The following CPPED1 variants were observed in gnomAD, a reference collection of about 807,000 sequenced individuals.
The protein encoded by CPPED1 is serine/threonine-protein phosphatase CPPED1.
In CPPED1, 28 loss-of-function variants were observed where a neutral mutation model predicts 28.0. The observed-to-expected ratio is 1.00, with a 90% CI of 0.74 to 1.37. The LOEUF (loss-of-function observed/expected upper bound fraction) is 1.37. CPPED1 is among the 40% of genes most tolerant of loss of function. The pLI, the probability that CPPED1 is intolerant of heterozygous loss-of-function variation, is 0.00. For missense variants in CPPED1, 504 were observed against 416.5 expected (o/e 1.21, Z -1.83); for synonymous variants, 198 against 180.2 (o/e 1.10, Z -0.79).
chr16:12,797,311 G>T (rs930271095), intron 1 of CPPED1, among the ~76,000 whole-genome samples: 5 of 152,180 alleles, frequency 3.3e-5, no homozygotes, highest in Non-Finnish European at 7.4e-5. Context: ...AGCACTTTTG[G>T]AGGCTAAGGC....
At chr16:12,765,579 C>A (rs765648584) in intron 2 of CPPED1, among the ~76,000 whole-genome samples, 2 of 152,130 alleles carry the variant, frequency 1.3e-5, no homozygotes, top group Non-Finnish European at 2.9e-5. Context: ...CAGATCAATA[C>A]AAAATTTCTT....
intron 2 of CPPED1, among the ~76,000 whole-genome samples, chr16:12,771,065 A>G (rs923805561): frequency 2.0e-5 from 3 of 152,228 alleles, no homozygotes; most frequent in African/African-American, 4.8e-5. Flanking sequence ...AAAATCTAAT[A>G]AAGTAACAAT....
chr16:12,754,207 G>C lies in CPPED1; in HGVS notation c.289+26978C>G, dbSNP rs553101561. On this transcript the variant is annotated intron_variant, in intron 2 of 3. Transcript: ENST00000381774. Reference sequence around the variant, plus strand: ...ACCCATTTGAGGGTTTAGAGGCTCTGTTTGATGACAGATGAAATAATATTG... The same window carrying C: ...ACCCATTTGAGGGTTTAGAGGCTCTCTTTGATGACAGATGAAATAATATTG... Among the ~76,000 whole-genome samples the C allele has an allele frequency of 2.4e-4, 37 of 152,334 alleles. No homozygotes were observed. In the East Asian group the frequency reaches 6.9e-3, roughly 29 times the overall value.
In CPPED1 at chr16:12,663,585, G is replaced by GAATTTACATATTTAATTATCTTTCCATTT; in HGVS notation, c.*1272_*1300dup. On this transcript the variant is annotated 3_prime_UTR_variant, in exon 4 of 4. Coordinates refer to ENST00000381774, the MANE Select transcript of CPPED1 (RefSeq NM_018340.3). ...TAACTTCTCGTCTTTTGTTCCTTAT[G>GAATTTACATATTTAATTATCTTTCCATTT]AATTTACATATTTAATTATCTTTCC... 1 of 152,148 alleles carries GAATTTACATATTTAATTATCTTTCCATTT rather than the reference G, an allele frequency of 6.6e-6. No homozygotes were observed. Among genetic ancestry groups the GAATTTACATATTTAATTATCTTTCCATTT allele is most frequent in the Non-Finnish European group, 1.5e-5 (1 of 68,026 alleles). The allele number at this position is 152,148 out of a possible 1,614,324, so 9.4% of individuals were successfully genotyped here. A position where few individuals can be genotyped will look rare whatever the true frequency, so the allele number is the denominator to read the frequency against.
At chr16:12,704,081 C>T (rs1456049328) in intron 3 of CPPED1, among the ~76,000 whole-genome samples, 3 of 152,198 alleles carry the variant, frequency 2.0e-5, no homozygotes, top group Non-Finnish European at 4.4e-5. Flanking sequence ...AAGCCACATC[C>T]CAGGATTTCC....
chr16:12,667,496 G>T (rs937892431), intron 3 of CPPED1, among the ~76,000 whole-genome samples: 25 of 152,170 alleles, frequency 1.6e-4, no homozygotes, highest in Admixed American at 1.6e-3. Context: ...GCTCATGCCT[G>T]TAATCCCTGT....
chr16:12,780,365 G>C (rs974805024), intron 2 of CPPED1, among the ~76,000 whole-genome samples: 2 of 151,982 alleles, frequency 1.3e-5, no homozygotes, highest in Non-Finnish European at 2.9e-5. Context: ...TAGTAGAGAC[G>C]GGGTTTCACC....
At chr16:12,710,532 T>C (rs148754485) in intron 2 of CPPED1, among the ~76,000 whole-genome samples, 13 of 150,266 alleles carry the variant, frequency 8.7e-5, no homozygotes, top group African/African-American at 3.2e-4. Context: ...CAAAAGACAC[T>C]ATCAACAGAG....
At chr16:12,748,616 T>C (rs1175211972) in intron 2 of CPPED1, among the ~76,000 whole-genome samples, 3 of 152,156 alleles carry the variant, frequency 2.0e-5, no homozygotes, top group Non-Finnish European at 4.4e-5. Flanking sequence ...CCGGGCGCGG[T>C]GGCTCATGCC....
chr16:12,781,222 G>T lies in CPPED1; in HGVS notation c.252C>A (p.Phe84Leu), dbSNP rs1037639447. 2 of 1,613,962 alleles carry T rather than the reference G, an allele frequency of 1.2e-6. No individual in the cohort carries two copies. The highest frequency in any genetic ancestry group is 1.3e-5 in the African/African-American group (1 of 74,926). The change falls in exon 2 of 4, where the codon TTC becomes TTA. Residue 84 changes from phenylalanine to leucine, a missense_variant. Physicochemically the swap from Phe to Leu is conservative, Grantham distance 22. Coordinates refer to ENST00000381774, the MANE Select transcript of CPPED1 (RefSeq NM_018340.3). ...GGATGAGGTCGCCGCACAGAACGAA[G>T]AATTTGGGTTTGGGGTTCAGCTTGT... ...AINKLNPKPK[F>L]FVLCGDLIHA...
chr16:12,803,630 C>T (rs1042748901), intron 1 of CPPED1, 77 bp downstream of exon 1: 1 of 1,264,320 alleles, frequency 7.9e-7, no homozygotes, highest in Non-Finnish European at 1.1e-6. Context: ...GCGGAGCGCA[C>T]ACCTGAACAA....
chr16:12,696,587 A>G (rs1394022662), intron 3 of CPPED1, among the ~76,000 whole-genome samples: 1 of 151,580 alleles, frequency 6.6e-6, no homozygotes, highest in Admixed American at 6.6e-5. Context: ...GATTACAGGC[A>G]CTCACCACCA....
chr16:12,781,011 A>T, intron 2 of CPPED1, 174 bp downstream of exon 2: 1 of 607,202 alleles, frequency 1.6e-6, no homozygotes, highest in East Asian at 2.8e-5. Flanking sequence ...AACTCTAAAT[A>T]TAACATGAGT....
intron 2 of CPPED1, among the ~76,000 whole-genome samples, chr16:12,769,539 T>G (rs2080458180): frequency 6.6e-6 from 1 of 152,148 alleles, no homozygotes; most frequent in Non-Finnish European, 1.5e-5. Context: ...AAACAACTTT[T>G]TAAGTAATAT....
In CPPED1 at chr16:12,689,159, A is replaced by G. The variant is rs2079948939; in HGVS notation, c.715+15465T>C. Among the ~76,000 whole-genome samples the G allele has an allele frequency of 2.7e-5, 4 of 146,968 alleles. No homozygotes were observed. The South Asian group carries it at 8.9e-4, about 33-fold the overall frequency. ...TTAATGACATGAGATAATGCTTTGTATGACATCATCTTATGCTTCCTAAAT... is the reference window on the plus strand; with the variant it reads ...TTAATGACATGAGATAATGCTTTGTGTGACATCATCTTATGCTTCCTAAAT... On this transcript the variant is annotated intron_variant, in intron 3 of 3. Transcript: ENST00000381774.
chr16:12,754,537 T>TC (rs1403168350), intron 2 of CPPED1, among the ~76,000 whole-genome samples: 2 of 152,218 alleles, frequency 1.3e-5, no homozygotes, highest in Non-Finnish European at 2.9e-5. Flanking sequence ...AGCAGGTTCT[T>TC]CATCTTACAA....
At position 12,706,105 on chromosome 16, in the gene CPPED1, AAATATC is replaced by A. The variant is rs2080048891; in HGVS notation, c.290-1062_290-1057del. The stretch of plus-strand genomic sequence containing the variant: ...TATATTTAACCCTAATGAAATAAAT[AAATATC>A]AAGATAAGAAACAGGCGATCTATAT... On this transcript the variant is annotated intron_variant, in intron 2 of 3. Coordinates refer to ENST00000381774, the MANE Select transcript of CPPED1 (RefSeq NM_018340.3). Among the ~76,000 whole-genome samples, 3 of 152,190 alleles carry A rather than the reference AAATATC, an allele frequency of 2.0e-5. No individual in the cohort carries two copies. The South Asian group carries it at 6.2e-4, about 32-fold the overall frequency.
At chr16:12,693,577 A>G (rs1383438893) in intron 3 of CPPED1, among the ~76,000 whole-genome samples, 1 of 152,224 alleles carries the variant, frequency 6.6e-6, no homozygotes, top group African/African-American at 2.4e-5. Context: ...ATGAAATCAA[A>G]GCATTTTTGA....
chr16:12,677,970 G>C (rs2079886379), intron 3 of CPPED1, among the ~76,000 whole-genome samples: 1 of 152,176 alleles, frequency 6.6e-6, no homozygotes, highest in Admixed American at 6.5e-5. Flanking sequence ...AAGTATATAA[G>C]CTTGTGGGCA....
Sources: gnomAD v4.1 joint callset for allele counts (sites outside exome capture counted in the v4.1 genomes callset) on GRCh38, gnomAD v4.1.1 for gene constraint, MANE v1.5 for transcripts, NCBI Gene and HGNC (gene_info 2026-07-23, HGNC 2026-07-21) for gene names.